Variants in PIP4P2 observed in about 807,000 individuals in gnomAD.
PIP4P2 encodes phosphatidylinositol-4,5-bisphosphate 4-phosphatase 2.
A neutral mutation model predicts 33.3 loss-of-function variants in PIP4P2; 19 were observed. The ratio of observed to expected loss-of-function variants is 0.57; its 90% CI spans 0.40 to 0.84. The LOEUF (loss-of-function observed/expected upper bound fraction) is 0.84, where lower values mean the gene tolerates loss of function less well. Among genes scored for constraint, PIP4P2 ranks in the 40% least tolerant of loss-of-function variants. The pLI, the probability that PIP4P2 is intolerant of heterozygous loss-of-function variation, is 0.00. For synonymous variants in PIP4P2, 110 were observed against 111.9 expected, an observed-to-expected ratio of 0.98 and a Z score of 0.11; for missense variants, 270 against 324.7, an observed-to-expected ratio of 0.83 and a Z score of 1.29.
intron 1 of PIP4P2, among the ~76,000 whole-genome samples, chr8:91,029,628 G>A (rs1179726956): frequency 6.6e-6 from 1 of 152,178 alleles, no homozygotes; most frequent in African/African-American, 2.4e-5. Context: ...AGGGACTATA[G>A]TAGAGCTCCC....
In PIP4P2 at chr8:91,022,677, C is replaced by T. The variant is rs573459088; in HGVS notation, c.107-1273G>A. Among the ~76,000 whole-genome samples, 22 of 152,258 alleles carry T rather than the reference C, an allele frequency of 1.4e-4. No homozygotes were observed. In the South Asian group the frequency reaches 1.7e-3, roughly 11 times the overall value. ...TCTATCCACTGTATTAGGTCCTAAACTTTGTGATATTTTAAAAAGAATTAG... is the reference window on the plus strand; with the variant it reads ...TCTATCCACTGTATTAGGTCCTAAATTTTGTGATATTTTAAAAAGAATTAG... On this transcript the variant is annotated intron_variant, in intron 1 of 6. Transcript: ENST00000285419.
intron 1 of PIP4P2, chr8:91,024,431 C>T (rs542788457): frequency 3.0e-6 from 1 of 329,058 alleles, no homozygotes; most frequent in African/African-American, 2.2e-5. Context: ...TAGATTAAAC[C>T]TATAATAATT....
At chr8:91,005,925 T>G (rs1271698642) in intron 5 of PIP4P2, among the ~76,000 whole-genome samples, 1 of 152,178 alleles carries the variant, frequency 6.6e-6, no homozygotes, top group Non-Finnish European at 1.5e-5. Context: ...CAACATCACC[T>G]TTAGCTACCA....
intron 5 of PIP4P2, among the ~76,000 whole-genome samples, chr8:91,003,998 G>GAT (rs1811734750): frequency 6.6e-6 from 1 of 151,748 alleles, no homozygotes; most frequent in Admixed American, 6.6e-5. Flanking sequence ...TAGATAGATA[G>GAT]ATAGATAGAT....
rs796828769 is a variant in PIP4P2, at chr8:91,025,688, T to C, written c.107-4284A>G. On this transcript the variant is annotated intron_variant, in intron 1 of 6. Transcript: ENST00000285419. ...ACGTCAGCTTAAAATGAGAGATATT[T>C]TACGATTATAAGAGGAGCAAGAAAA... 2.0e-5 allele frequency among the ~76,000 whole-genome samples: 3 copies of C among 152,198 alleles called. No homozygotes were observed. In the South Asian group the frequency reaches 6.2e-4, roughly 31 times the overall value.
chr8:91,037,426 T>C (rs1313745852), intron 1 of PIP4P2, among the ~76,000 whole-genome samples: 3 of 152,216 alleles, frequency 2.0e-5, no homozygotes, highest in African/African-American at 7.2e-5. Flanking sequence ...TCAGATCTCA[T>C]TCAAGCATCA....
intron 3 of PIP4P2, among the ~76,000 whole-genome samples, chr8:91,019,074 G>A (rs1252026483): frequency 6.6e-6 from 1 of 151,508 alleles, no homozygotes; most frequent in Non-Finnish European, 1.5e-5. Flanking sequence ...AGAGATCACA[G>A]AAAAAAAACA....
Position 91,040,633 on chromosome 8 carries a change from G to T in PIP4P2, c.106+11C>A, listed in dbSNP as rs759523816. ...TTCCTTGCAAAGTAGAGGGATCTAC[G>T]CTGGCCTTACCTCTGGGGCTGCTTT... is the stretch of plus-strand genomic sequence containing the variant. On this transcript the variant is annotated intron_variant, in intron 1 of 6. Transcript: ENST00000285419. The T allele has an allele frequency of 6.2e-7, 1 of 1,613,386 alleles. No individual in the cohort carries two copies. Among genetic ancestry groups the T allele is most frequent in the African/African-American group, 1.3e-5 (1 of 74,910 alleles).
chr8:91,032,397 A>G (rs1441504066), intron 1 of PIP4P2, among the ~76,000 whole-genome samples: 1 of 152,198 alleles, frequency 6.6e-6, no homozygotes. Flanking sequence ...ACCCTCATAA[A>G]ATAACAGAAA....
At chr8:91,003,366 G>T (rs76221061) in intron 5 of PIP4P2, among the ~76,000 whole-genome samples, 3,450 of 152,268 alleles carry the variant, frequency 0.023, 140 homozygotes, top group African/African-American at 0.079. Context: ...TAAGAGGACA[G>T]AATTAAAATG....
At chr8:91,014,415 A>C (rs184079222) in intron 4 of PIP4P2, among the ~76,000 whole-genome samples, 1 of 152,330 alleles carries the variant, frequency 6.6e-6, no homozygotes, top group Non-Finnish European at 1.5e-5. Flanking sequence ...ATTTAGCCTT[A>C]AAAAGAAGGG....
At chr8:91,038,713 T>C (rs1586189505) in intron 1 of PIP4P2, among the ~76,000 whole-genome samples, 1 of 152,242 alleles carries the variant, frequency 6.6e-6, no homozygotes, top group Non-Finnish European at 1.5e-5. Context: ...AAAAATATTC[T>C]GTCAAAATGC....
chr8:91,031,964 T>C (rs1394299387), intron 1 of PIP4P2, among the ~76,000 whole-genome samples: 1 of 151,806 alleles, frequency 6.6e-6, no homozygotes, highest in East Asian at 1.9e-4. Flanking sequence ...TGTGTCCAGC[T>C]TCCTAAGAAC....
intron 5 of PIP4P2, among the ~76,000 whole-genome samples, chr8:91,005,056 C>G (rs561559289): frequency 2.2e-4 from 34 of 152,216 alleles, no homozygotes; most frequent in African/African-American, 8.2e-4. Context: ...TATATTGATC[C>G]AAGATTGCTG....
rs77261760 is a variant in PIP4P2, at chr8:91,027,714, T to C, written c.107-6310A>G. On this transcript the variant is annotated intron_variant, in intron 1 of 6. Transcript: ENST00000285419. ...GAAGTAGCTTTAAACATTTAGTTAA[T>C]TGGTTGATGAAGACTTGGTCTTACA... Among the ~76,000 whole-genome samples the C allele has an allele frequency of 3.1e-3, 466 of 152,308 alleles. 1 individual carries two copies. The highest frequency in any genetic ancestry group is 4.9e-3 in the Non-Finnish European group (330 of 68,024).
intron 3 of PIP4P2, 198 bp from the exon 4 acceptor site, chr8:91,018,711 T>C (rs1811955678): frequency 1.6e-6 from 1 of 632,228 alleles, no homozygotes; most frequent in Non-Finnish European, 2.6e-6. Flanking sequence ...GTACTTGGGA[T>C]AGAAACAATA....
At position 91,007,792 on chromosome 8, in the gene PIP4P2, T is replaced by C. The variant is rs1811781860; in HGVS notation, c.539+951A>G. ...GTAAGAGTGGCTTATTATGTATAAA[T>C]TGTTTGTGTAAACAGTATGGTTTAT... is the stretch of plus-strand genomic sequence containing the variant. On this transcript the variant is annotated intron_variant, in intron 5 of 6. Coordinates refer to ENST00000285419, the MANE Select transcript of PIP4P2 (RefSeq NM_018710.3). Among the ~76,000 whole-genome samples, 2 of 152,186 alleles carry C rather than the reference T, an allele frequency of 1.3e-5. 1 individual carries two copies. The highest frequency in any genetic ancestry group is 4.1e-4 in the South Asian group (2 of 4,832).
intron 5 of PIP4P2, among the ~76,000 whole-genome samples, chr8:90,997,695 G>C (rs1012895433): frequency 2.6e-5 from 4 of 152,018 alleles, no homozygotes; most frequent in African/African-American, 9.7e-5. Flanking sequence ...AAGGCATCGT[G>C]TTAGTGAATG....
chr8:91,014,758 GACACACAC>G lies in PIP4P2; in HGVS notation c.486+3624_486+3631del, dbSNP rs142952434. The stretch of plus-strand genomic sequence containing the variant: ...AGATCTTTAGTATTCTTACCACAAA[GACACACAC>G]ACACACACACACACACACACACACA... On this transcript the variant is annotated intron_variant, in intron 4 of 6. Transcript: ENST00000285419. 2.2e-4 allele frequency among the ~76,000 whole-genome samples: 31 copies of G among 142,748 alleles called. 1 individual carries two copies. The highest frequency in any genetic ancestry group is 9.3e-4 in the South Asian group (4 of 4,318). 93.6% of individuals were successfully genotyped at this position (142,748 alleles called of 152,430 possible).
Sources: allele counts gnomAD v4.1 joint callset (sites outside exome capture counted in the v4.1 genomes callset), GRCh38; gene constraint gnomAD v4.1.1; transcripts MANE v1.5; gene names NCBI Gene and HGNC (gene_info 2026-07-23, HGNC 2026-07-21).